Variants in TDRD3 observed in about 807,000 individuals in gnomAD.
The protein encoded by TDRD3 is tudor domain-containing protein 3.
A neutral mutation model predicts 86.7 loss-of-function variants in TDRD3; 45 were observed. The observed-to-expected ratio is 0.52, with a 90% CI of 0.41 to 0.67. TDRD3 has a LOEUF of 0.67. Among genes scored for constraint, TDRD3 ranks in the 30% least tolerant of loss-of-function variants. The pLI, the probability that TDRD3 is intolerant of heterozygous loss-of-function variation, is 0.00. For synonymous variants in TDRD3, 298 were observed against 301.7 expected, an observed-to-expected ratio of 0.99 and a Z score of 0.13; for missense variants, 814 against 889.0, an observed-to-expected ratio of 0.92 and a Z score of 1.07.
At chr13:60,416,380 T>C (rs1469288174) in intron 1 of TDRD3, among the ~76,000 whole-genome samples, 4 of 152,182 alleles carry the variant, frequency 2.6e-5, no homozygotes, top group African/African-American at 7.2e-5. Context: ...CCATGATCAG[T>C]TGAGCTGATA....
intron 7 of TDRD3, among the ~76,000 whole-genome samples, chr13:60,491,139 A>G (rs1956579458): frequency 5.9e-5 from 9 of 151,564 alleles, no homozygotes; most frequent in Admixed American, 5.9e-4. Flanking sequence ...AAAAAGAAGA[A>G]GAATGAATCT....
intron 10 of TDRD3, among the ~76,000 whole-genome samples, chr13:60,511,292 A>G (rs1245408739): frequency 6.6e-6 from 1 of 152,234 alleles, no homozygotes; most frequent in Non-Finnish European, 1.5e-5. Flanking sequence ...TCAAAATACA[A>G]TCCAAAAAGT....
rs1160420962 is a variant in TDRD3 at position 60,426,464 on chromosome 13, A to G, written c.42-13224A>G. On this transcript the variant is annotated intron_variant, in intron 1 of 13. Coordinates refer to ENST00000377881, the MANE Select transcript of TDRD3 (RefSeq NM_001146070.2). ...TAACTGTGAGATGATAGATATGTTA[A>G]TAAGCTTCACTATGGTAACTATTTT... Among the ~76,000 whole-genome samples, 4 of 152,246 alleles carry G rather than the reference A, an allele frequency of 2.6e-5. No individual in the cohort carries two copies. The East Asian group carries it at 7.7e-4, about 29-fold the overall frequency.
intron 3 of TDRD3, among the ~76,000 whole-genome samples, chr13:60,455,129 T>C (rs1955637502): frequency 6.6e-6 from 1 of 152,192 alleles, no homozygotes; most frequent in South Asian, 2.1e-4. Flanking sequence ...GTCAGGCTAG[T>C]CTGGAACTCC....
intron 8 of TDRD3, among the ~76,000 whole-genome samples, chr13:60,506,588 C>T (rs1454065616): frequency 6.6e-6 from 1 of 152,096 alleles, no homozygotes; most frequent in East Asian, 1.9e-4. Flanking sequence ...GAAAGCCCAT[C>T]TCTACTAAAA....
At chr13:60,473,717 GAAGAC>G (rs2138109787) in intron 5 of TDRD3, among the ~76,000 whole-genome samples, 1 of 152,306 alleles carries the variant, frequency 6.6e-6, no homozygotes, top group South Asian at 2.1e-4. Flanking sequence ...GAAGTGACCA[GAAGAC>G]AAGAGTGTGA....
chr13:60,429,860 C>A (rs1331695723), intron 1 of TDRD3, among the ~76,000 whole-genome samples: 1 of 151,484 alleles, frequency 6.6e-6, no homozygotes, highest in African/African-American at 2.4e-5. Context: ...CATTAGAATC[C>A]AGATTTTTGA....
rs530912457 is a variant in TDRD3 at position 60,450,917 on chromosome 13, G to A, written c.192+6169G>A. Reference sequence around the variant, plus strand: ...AGTGGGTAGATGCCCCATATCGGGCGTATTTAAAATCTTAGGTTATAGCTC... The same window carrying A: ...AGTGGGTAGATGCCCCATATCGGGCATATTTAAAATCTTAGGTTATAGCTC... On this transcript the variant is annotated intron_variant, in intron 3 of 13. Coordinates refer to ENST00000377881, the MANE Select transcript of TDRD3 (RefSeq NM_001146070.2). Among the ~76,000 whole-genome samples, 115 of 152,214 alleles carry A rather than the reference G, an allele frequency of 7.6e-4. 1 individual carries two copies. Among genetic ancestry groups the A allele is most frequent in the Middle Eastern group, 3.4e-3 (1 of 294 alleles).
At chr13:60,439,872 A>C in intron 2 of TDRD3, 100 bp downstream of exon 2, 2 of 680,096 alleles carry the variant, frequency 2.9e-6, no homozygotes, top group Non-Finnish European at 4.6e-6. Context: ...AAATATAGAG[A>C]ACATCTTTCT....
chr13:60,526,855 G>A (rs1957449697), intron 10 of TDRD3, among the ~76,000 whole-genome samples: 1 of 151,196 alleles, frequency 6.6e-6, no homozygotes, highest in Non-Finnish European at 1.5e-5. Flanking sequence ...TTTTCTTCGA[G>A]ATGGAGTCTT....
At chr13:60,565,211 G>A (rs564211753) in intron 12 of TDRD3, among the ~76,000 whole-genome samples, 18 of 151,736 alleles carry the variant, frequency 1.2e-4, no homozygotes, top group Non-Finnish European at 1.8e-4. Flanking sequence ...GCCCGCCACC[G>A]CGCCCGGCTA....
At position 60,531,168 on chromosome 13, in the gene TDRD3, C is replaced by T. The variant is rs1033099253; in HGVS notation, c.1992+1951C>T. ...TTCTTTTTCTCTGGAAAAGCAAAAG[C>T]CTTCCCAGGAATACCAGCAGATTTG... is the stretch of plus-strand genomic sequence containing the variant. On this transcript the variant is annotated intron_variant, in intron 11 of 13. Coordinates refer to ENST00000377881, the MANE Select transcript of TDRD3 (RefSeq NM_001146070.2). Among the ~76,000 whole-genome samples, 4 of 152,256 alleles carry T rather than the reference C, an allele frequency of 2.6e-5. No homozygotes were observed. The East Asian group carries it at 7.7e-4, about 29-fold the overall frequency.
At chr13:60,541,783 A>G (rs1299632466) in intron 12 of TDRD3, among the ~76,000 whole-genome samples, 2 of 118,152 alleles carry the variant, frequency 1.7e-5, no homozygotes, top group East Asian at 5.0e-4. Flanking sequence ...AGGATGGTGC[A>G]ATGGCACAAT....
chr13:60,416,575 A>G (rs759529854), intron 1 of TDRD3, among the ~76,000 whole-genome samples: 2 of 152,214 alleles, frequency 1.3e-5, no homozygotes, highest in Non-Finnish European at 2.9e-5. Context: ...TGTTTAGCAC[A>G]TGTATGACTG....
At chr13:60,555,848 C>CTTTTTTTTTTTTTTTTTTTTTTT (rs770710929) in intron 12 of TDRD3, among the ~76,000 whole-genome samples, 2 of 136,138 alleles carry the variant, frequency 1.5e-5, no homozygotes, top group African/African-American at 2.8e-5. Context: ...CAACCTATTT[C>CTTTTTTTTTTTTTTTTTTTTTTT]TTTCTTTTTT....
intron 5 of TDRD3, among the ~76,000 whole-genome samples, chr13:60,474,207 C>T (rs149530891): frequency 3.1e-4 from 47 of 152,326 alleles, no homozygotes; most frequent in African/African-American, 1.1e-3. Context: ...CCTTGGCTGC[C>T]AAACAGGGAA....
intron 5 of TDRD3, among the ~76,000 whole-genome samples, chr13:60,477,639 T>G (rs77907824): frequency 0.011 from 1,698 of 152,342 alleles, 40 homozygotes; most frequent in African/African-American, 0.039. Flanking sequence ...TTATGTAGTT[T>G]TTGTTGTTAA....
intron 12 of TDRD3, among the ~76,000 whole-genome samples, chr13:60,559,693 A>T (rs1018823496): frequency 6.6e-6 from 1 of 152,182 alleles, no homozygotes; most frequent in African/African-American, 2.4e-5. Flanking sequence ...AAATAGTCAA[A>T]CTCATAGAAA....
intron 5 of TDRD3, among the ~76,000 whole-genome samples, chr13:60,469,003 G>T (rs538337384): frequency 4.6e-5 from 7 of 152,272 alleles, no homozygotes; most frequent in African/African-American, 1.7e-4. Flanking sequence ...TAGTTGGGAA[G>T]TGCCTGTGTT....
Sources: allele counts gnomAD v4.1 joint callset (sites outside exome capture counted in the v4.1 genomes callset), GRCh38; gene constraint gnomAD v4.1.1; transcripts MANE v1.5; gene names NCBI Gene and HGNC (gene_info 2026-07-23, HGNC 2026-07-21).